RTCA: variants seen among roughly 807,000 people sequenced by gnomAD.
RTCA encodes the protein RNA 3'-terminal phosphate cyclase.
In RTCA, 37 loss-of-function variants were observed where a neutral mutation model predicts 46.1. That is an observed-to-expected ratio of 0.80 (90% CI 0.62 to 1.06). The LOEUF is 1.06. Ranked by LOEUF, RTCA falls within the 50% of genes least tolerant of loss-of-function variation. The pLI is 0.00. For synonymous variants in RTCA, 164 were observed against 158.3 expected, an observed-to-expected ratio of 1.04 and a Z score of -0.27; for missense variants, 435 against 455.5, an observed-to-expected ratio of 0.95 and a Z score of 0.41.
At chr1:100,272,078 G>C (rs1483459341) in intron 4 of RTCA, among the ~76,000 whole-genome samples, 1 of 152,128 alleles carries the variant, frequency 6.6e-6, no homozygotes, top group African/African-American at 2.4e-5. Context: ...CTATTGAAGG[G>C]CATTTGGGTG....
rs1206909414 is a variant in RTCA at position 100,275,109 on chromosome 1, G to A, written c.615+144G>A. 6 of 828,566 alleles carry A rather than the reference G, an allele frequency of 7.2e-6. No homozygotes were observed. In the East Asian group the frequency reaches 1.1e-4, roughly 15 times the overall value. 51.3% of individuals were successfully genotyped at this position (828,566 alleles called of 1,614,324 possible). On this transcript the variant is annotated intron_variant, in intron 6 of 10. Transcript: ENST00000370128. The stretch of plus-strand genomic sequence containing the variant: ...CCTTTGTGGCAATATGGCTGCAGCT[G>A]GAGGCCATTATCCTAAGCAAATTAA...
At chr1:100,273,989 A>G (rs1666239883) in intron 5 of RTCA, among the ~76,000 whole-genome samples, 1 of 152,098 alleles carries the variant, frequency 6.6e-6, no homozygotes, top group Non-Finnish European at 1.5e-5. Context: ...ATGTATTCTA[A>G]CAATATGTTT....
At chr1:100,273,022 C>CA (rs941893488) in intron 4 of RTCA, among the ~76,000 whole-genome samples, 1 of 152,048 alleles carries the variant, frequency 6.6e-6, no homozygotes, top group Non-Finnish European at 1.5e-5. Flanking sequence ...TTCAACTGTA[C>CA]AAAAAATTGA....
In RTCA at chr1:100,266,598, A is replaced by G. The variant is rs1207246343; in HGVS notation, c.120A>G (p.Arg40=). The change falls in exon 2 of 11, where the codon CGA becomes CGG. Residue 40 remains arginine, a synonymous_variant. Coordinates refer to ENST00000370128, the MANE Select transcript of RTCA (RefSeq NM_003729.4). ...LGLPLRVQKI[R]AGRSTPGLRP... ...TCCCCTTGCGGGTGCAGAAGATCCG[A>G]GCCGGCCGGAGCACGCCAGGCCTGA... The G allele has an allele frequency of 6.8e-6, 11 of 1,613,010 alleles. No individual in the cohort carries two copies. Among genetic ancestry groups the G allele is most frequent in the South Asian group, 1.1e-5 (1 of 90,988 alleles).
At chr1:100,266,721 A>G in intron 2 of RTCA, 97 bp downstream of exon 2, 1 of 1,011,710 alleles carries the variant, frequency 9.9e-7, no homozygotes. Context: ...GGTGGAACCC[A>G]GAAGGTCCCA....
At chr1:100,276,677 A>G (rs1032890080) in intron 7 of RTCA, among the ~76,000 whole-genome samples, 2 of 152,198 alleles carry the variant, frequency 1.3e-5, no homozygotes, top group African/African-American at 2.4e-5. Flanking sequence ...CTCCATCTCA[A>G]AAAAAACCAG....
intron 8 of RTCA, 21 bp downstream of exon 8, chr1:100,277,337 C>T (rs566908779): frequency 1.3e-6 from 2 of 1,588,476 alleles, no homozygotes; most frequent in African/African-American, 2.7e-5. Context: ...TGAAGGGGGT[C>T]CATAGTTCCC....
intron 8 of RTCA, among the ~76,000 whole-genome samples, chr1:100,277,955 A>G (rs1437690548): frequency 1.3e-5 from 2 of 152,124 alleles, no homozygotes; most frequent in Non-Finnish European, 2.9e-5. Context: ...CACAATTTAA[A>G]TTTGTCTGAT....
chr1:100,269,754 G>C (rs1033520483), intron 3 of RTCA, among the ~76,000 whole-genome samples: 4 of 152,110 alleles, frequency 2.6e-5, no homozygotes, highest in Admixed American at 2.6e-4. Flanking sequence ...GTGCCATAGT[G>C]GTTTGCTGCA....
intron 8 of RTCA, among the ~76,000 whole-genome samples, chr1:100,279,301 T>C (rs989832473): frequency 2.6e-5 from 4 of 152,130 alleles, no homozygotes; most frequent in African/African-American, 9.7e-5. Context: ...ACCAGTTCTA[T>C]GATAGTGGTA....
rs117838512 is a variant in RTCA, at chr1:100,283,827, C to A, written c.800-1401C>A. 9.6e-3 allele frequency among the ~76,000 whole-genome samples: 1,419 copies of A among 147,658 alleles called. 20 individuals carry two copies. Among genetic ancestry groups the A allele is most frequent in the South Asian group, 0.033 (152 of 4,664 alleles). On this transcript the variant is annotated intron_variant, in intron 8 of 10. Coordinates refer to ENST00000370128, the MANE Select transcript of RTCA (RefSeq NM_003729.4). ...GAGTTTCTGGGCATGATGGCTCATG[C>A]CTGGAATTCTAACACTTTGGGAGGC...
At chr1:100,282,219 A>T (rs772295202) in intron 8 of RTCA, among the ~76,000 whole-genome samples, 2 of 152,224 alleles carry the variant, frequency 1.3e-5, no homozygotes, top group Non-Finnish European at 2.9e-5. Flanking sequence ...GCAGTTAGTA[A>T]TGTAGAACCA....
At chr1:100,291,260 C>T (rs2100819804) in intron 10 of RTCA, 143 bp from the exon 11 acceptor site, 1 of 563,270 alleles carries the variant, frequency 1.8e-6, no homozygotes, top group South Asian at 2.4e-5. Context: ...GTTTCTTTCT[C>T]ATCAATCATT....
Position 100,266,562 on chromosome 1 carries a change from T to C in RTCA, c.84T>C (p.Cys28=). 1 of 1,613,908 alleles carries C rather than the reference T, an allele frequency of 6.2e-7. No homozygotes were observed. Among genetic ancestry groups the C allele is most frequent in the Non-Finnish European group, 8.5e-7 (1 of 1,179,852 alleles). Residue 28 remains cysteine, a synonymous_variant, in exon 2 of 11, where the codon TGT becomes TGC. Coordinates refer to ENST00000370128, the MANE Select transcript of RTCA (RefSeq NM_003729.4). ...TGAGAGTCTCTACGGCCTTGAGCTG[T>C]CTCCTAGGCCTCCCCTTGCGGGTGC... ...QILRVSTALS[C]LLGLPLRVQK... is the part of the protein sequence containing the mutation.
intron 10 of RTCA, among the ~76,000 whole-genome samples, chr1:100,288,829 T>TC (rs1482422485): frequency 6.6e-6 from 1 of 152,138 alleles, no homozygotes; most frequent in East Asian, 1.9e-4. Flanking sequence ...TCTTTTCTTT[T>TC]TTTTTTTCTT....
rs896540889 is a variant in RTCA, at chr1:100,292,763, A to C, written c.*1259A>C. On this transcript the variant is annotated 3_prime_UTR_variant, in exon 11 of 11. Transcript: ENST00000370128. ...TTAACAAATAAATGAGTGTCTTTCAAATGGAATGTGCTTTCATTATTCTCT... is the reference window on the plus strand; with the variant it reads ...TTAACAAATAAATGAGTGTCTTTCACATGGAATGTGCTTTCATTATTCTCT... 1 of 152,220 alleles carries C rather than the reference A, an allele frequency of 6.6e-6. No homozygotes were observed. The highest frequency in any genetic ancestry group is 2.4e-5 in the African/African-American group (1 of 41,454). The allele number at this position is 152,220 out of a possible 1,614,324, so 9.4% of individuals were successfully genotyped here. A position where few individuals can be genotyped will look rare whatever the true frequency, so the allele number is the denominator to read the frequency against.
chr1:100,282,958 C>T (rs970466047), intron 8 of RTCA, among the ~76,000 whole-genome samples: 3 of 151,992 alleles, frequency 2.0e-5, no homozygotes, highest in Non-Finnish European at 4.4e-5. Flanking sequence ...TAGTGTGCGC[C>T]ACCATGCCTG....
At chr1:100,267,635 G>A (rs1005126598) in intron 2 of RTCA, 17 of 1,259,198 alleles carry the variant, frequency 1.4e-5, no homozygotes, top group African/African-American at 1.2e-4. Context: ...TGCCCCTAGC[G>A]TCTCTGTATG....
rs1365994475 is a variant in RTCA at position 100,285,436 on chromosome 1, A to C, written c.894+114A>C. On this transcript the variant is annotated intron_variant, in intron 9 of 10. Coordinates refer to ENST00000370128, the MANE Select transcript of RTCA (RefSeq NM_003729.4). ...GACACTAATTAGCAAGTCCTACTTC[A>C]ATAATTTAAAAAAATATTCTGGGAT... The C allele has an allele frequency of 1.1e-5, 7 of 661,832 alleles. No homozygotes were observed. The East Asian group carries it at 2.0e-4, about 19-fold the overall frequency. The allele number at this position is 661,832 out of a possible 1,614,324, so 41.0% of individuals were successfully genotyped here.
Sources: gnomAD v4.1 joint callset for allele counts (sites outside exome capture counted in the v4.1 genomes callset) on GRCh38, gnomAD v4.1.1 for gene constraint, MANE v1.5 for transcripts, NCBI Gene and HGNC (gene_info 2026-07-23, HGNC 2026-07-21) for gene names.